Variants in HDAC9 observed in about 807,000 individuals in gnomAD.
HDAC9 encodes MEF-2 interacting transcription repressor (MITR) protein.
Under a neutral mutation model 139.4 loss-of-function variants are expected in HDAC9, and 41 were observed. The ratio of observed to expected loss-of-function variants is 0.29; its 90% CI spans 0.23 to 0.38. HDAC9 has a LOEUF of 0.38. HDAC9 is among the 10% of genes least tolerant of loss of function. The pLI, the probability that HDAC9 is intolerant of heterozygous loss-of-function variation, is 1.00. For synonymous variants in HDAC9, 517 were observed against 476.2 expected (o/e 1.09, Z -1.12); for missense variants, 1,147 against 1,297.0 (o/e 0.88, Z 1.78).
chr7:18,143,410 A>T (rs181457054), intron 1 of HDAC9, among the ~76,000 whole-genome samples: 33 of 152,290 alleles, frequency 2.2e-4, no homozygotes, highest in Non-Finnish European at 4.3e-4. Context: ...AGTTCTATTT[A>T]TTGACAGGGT....
intron 2 of HDAC9, among the ~76,000 whole-genome samples, chr7:18,529,941 T>A (rs936116825): frequency 3.3e-5 from 5 of 152,154 alleles, no homozygotes; most frequent in Non-Finnish European, 7.4e-5. Flanking sequence ...CTACTGTAAT[T>A]ATTTTTTTAA....
chr7:18,458,438 T>C (rs1793544587), intron 1 of HDAC9, among the ~76,000 whole-genome samples: 1 of 152,188 alleles, frequency 6.6e-6, no homozygotes, highest in South Asian at 2.1e-4. Flanking sequence ...AGAATTCAGA[T>C]GAGTTTGTGC....
chr7:18,691,056 C>A (rs767798117), intron 12 of HDAC9, among the ~76,000 whole-genome samples: 6 of 151,918 alleles, frequency 3.9e-5, no homozygotes, highest in African/African-American at 1.2e-4. Context: ...AAATTCTGAG[C>A]AAAATGCTAA....
chr7:18,903,054 A>T (rs80138529), intron 22 of HDAC9, among the ~76,000 whole-genome samples: 1 of 152,194 alleles, frequency 6.6e-6, no homozygotes. Flanking sequence ...ATATTCAGCA[A>T]TTTTCTTGCA....
intron 22 of HDAC9, among the ~76,000 whole-genome samples, chr7:18,930,688 A>G (rs111761362): frequency 6.6e-6 from 1 of 152,190 alleles, no homozygotes; most frequent in Non-Finnish European, 1.5e-5. Flanking sequence ...CTTTCCTTAC[A>G]TCACTTGAAT....
chr7:18,154,134 A>G (rs1043856784), intron 1 of HDAC9, among the ~76,000 whole-genome samples: 1 of 152,202 alleles, frequency 6.6e-6, no homozygotes, highest in Non-Finnish European at 1.5e-5. Flanking sequence ...ATAAAATGAT[A>G]CTTGTTTCTA....
chr7:18,472,423 A>G (rs1236787374), intron 1 of HDAC9, among the ~76,000 whole-genome samples: 1 of 152,096 alleles, frequency 6.6e-6, no homozygotes, highest in Non-Finnish European at 1.5e-5. Context: ...CCCATCTCCC[A>G]CATGCGCAAC....
chr7:18,262,859 A>G (rs1321741897), intron 2 of HDAC9, among the ~76,000 whole-genome samples: 1 of 152,166 alleles, frequency 6.6e-6, no homozygotes, highest in East Asian at 1.9e-4. Context: ...ACTAAAATGC[A>G]TACTAATAGA....
chr7:18,908,716 CA>C (rs1013594310), intron 22 of HDAC9, among the ~76,000 whole-genome samples: 7 of 151,126 alleles, frequency 4.6e-5, no homozygotes, highest in South Asian at 2.1e-4. Context: ...CCACAAATGA[CA>C]AAAAAAAATT....
intron 1 of HDAC9, among the ~76,000 whole-genome samples, chr7:18,330,996 A>C (rs1800878394): frequency 5.9e-5 from 9 of 151,746 alleles, no homozygotes. Context: ...TAATACATGA[A>C]TACAATTTGA....
At chr7:18,710,296 A>G (rs1164792784) in intron 12 of HDAC9, among the ~76,000 whole-genome samples, 1 of 152,216 alleles carries the variant, frequency 6.6e-6, no homozygotes, top group Non-Finnish European at 1.5e-5. Context: ...GCTAAACCAT[A>G]TCAGTCAGGG....
intron 1 of HDAC9, among the ~76,000 whole-genome samples, chr7:18,312,810 A>T (rs1799402881): frequency 6.6e-6 from 1 of 152,232 alleles, no homozygotes; most frequent in East Asian, 1.9e-4. Flanking sequence ...GCCCTAGACA[A>T]TCTTCTCTTG....
intron 22 of HDAC9, among the ~76,000 whole-genome samples, chr7:18,888,373 C>T (rs968053518): frequency 6.6e-6 from 1 of 152,066 alleles, no homozygotes; most frequent in African/African-American, 2.4e-5. Context: ...TGCAGTGAGC[C>T]GAGAGCGTGT....
chr7:18,790,256 A>G (rs973478400), intron 16 of HDAC9, among the ~76,000 whole-genome samples: 2 of 152,056 alleles, frequency 1.3e-5, no homozygotes, highest in East Asian at 1.9e-4. Flanking sequence ...TGTGCCCTCA[A>G]AATTTATGTA....
intron 1 of HDAC9, among the ~76,000 whole-genome samples, chr7:18,294,873 G>A (rs1291038683): frequency 6.6e-6 from 1 of 152,082 alleles, no homozygotes; most frequent in African/African-American, 2.4e-5. Flanking sequence ...TAGGGGCAGT[G>A]GACAGAGTGA....
chr7:18,810,496 G>A (rs1288526751), intron 17 of HDAC9, among the ~76,000 whole-genome samples: 2 of 151,882 alleles, frequency 1.3e-5, no homozygotes, highest in Non-Finnish European at 3.0e-5. Flanking sequence ...ACAATCCATT[G>A]ATATTTTTCA....
intron 17 of HDAC9, among the ~76,000 whole-genome samples, chr7:18,824,044 G>GGAAGAGGAGGAAGAAGAAGAAGAAGAA (rs71309048): frequency 4.4e-3 from 294 of 67,128 alleles, no homozygotes; most frequent in Non-Finnish European, 6.5e-3. Flanking sequence ...AAGAGGAAGA[G>GGAAGAGGAGGAAGAAGAAGAAGAAGAA]GAAGAAGAAG....
chr7:18,780,440 TGA>T, intron 16 of HDAC9, among the ~76,000 whole-genome samples: 1 of 151,978 alleles, frequency 6.6e-6, no homozygotes, highest in East Asian at 1.9e-4. Context: ...GAAGCTTCTG[TGA>T]GAGACAGGGG....
chr7:18,539,381 G>A (rs1403651724), intron 2 of HDAC9, among the ~76,000 whole-genome samples: 2 of 152,128 alleles, frequency 1.3e-5, no homozygotes, highest in Admixed American at 6.5e-5. Context: ...TGAAAAACAA[G>A]GAAAGATGGG....
Sources: allele counts gnomAD v4.1 joint callset (sites outside exome capture counted in the v4.1 genomes callset), GRCh38; gene constraint gnomAD v4.1.1; transcripts MANE v1.5; gene names NCBI Gene and HGNC (gene_info 2026-07-23, HGNC 2026-07-21).